The following ULK1 variants were observed in gnomAD, a reference collection of about 807,000 sequenced individuals.
ULK1 encodes serine/threonine-protein kinase ULK1.
ULK1 carries 48 observed loss-of-function variants against 117.5 expected under a neutral mutation model. That is an observed-to-expected ratio of 0.41 (90% CI 0.32 to 0.52). The LOEUF is 0.52. Among genes scored for constraint, ULK1 ranks in the 20% least tolerant of loss-of-function variants. The probability of loss-of-function intolerance (pLI) is 0.29; values close to 1 mark genes in which losing one functional copy is unlikely to be tolerated. For synonymous variants in ULK1, 790 were observed against 637.8 expected (o/e 1.24, Z -3.60); for missense variants, 1,387 against 1,473.4 (o/e 0.94, Z 0.96).
intron 3 of ULK1, among the ~76,000 whole-genome samples, chr12:131,899,913 A>G (rs1889018979): frequency 6.6e-6 from 1 of 152,084 alleles, no homozygotes; most frequent in South Asian, 2.1e-4. Context: ...AGGTCAGGAG[A>G]TCGAGACTAT....
intron 3 of ULK1, among the ~76,000 whole-genome samples, chr12:131,899,346 G>A (rs919850019): frequency 1.3e-5 from 2 of 151,730 alleles, no homozygotes; most frequent in East Asian, 1.9e-4. Flanking sequence ...GCGCCACCAC[G>A]CCTGGCTAAT....
intron 3 of ULK1, among the ~76,000 whole-genome samples, chr12:131,905,857 G>A (rs1367575961): frequency 1.3e-5 from 2 of 152,134 alleles, no homozygotes; most frequent in East Asian, 1.9e-4. Context: ...TGAGTTTCAT[G>A]GGGGCAGGAA....
At chr12:131,918,332 C>G in intron 22 of ULK1, 165 bp from the exon 23 acceptor site, 1 of 835,504 alleles carries the variant, frequency 1.2e-6, no homozygotes, top group Non-Finnish European at 1.8e-6. Flanking sequence ...TGAGGAGTGG[C>G]TCTAGGGGCC....
chr12:131,915,907 G>T lies in ULK1; in HGVS notation c.1626G>T (p.Glu542Asp). The change falls in exon 19 of 28, where the codon GAG (glutamate) becomes GAT (aspartate). Residue 542 changes from glutamate (E) to aspartate (D), a missense_variant. Around this residue, in one of 4 missense-constraint regions of ULK1, gnomAD observed 900 missense variants for 858.9 expected, o/e 1.05. Coordinates refer to ENST00000321867, the MANE Select transcript of ULK1 (RefSeq NM_003565.4). ...TCTCTCTAGGCTCCTCTGCACCCGA[G>T]CACTCTCCCCGCACTTCCGGGCTGG... Reference protein sequence around the residue: ...RSPRPGSSAPEHSPRTSGLGC... With the variant: ...RSPRPGSSAPDHSPRTSGLGC... The T allele has an allele frequency of 6.2e-7, 1 of 1,611,484 alleles. No homozygotes were observed. Among genetic ancestry groups the T allele is most frequent in the Non-Finnish European group, 8.5e-7 (1 of 1,179,818 alleles).
Position 131,919,374 on chromosome 12 carries a change from C to T in ULK1, c.2674C>T (p.Arg892Ter), listed in dbSNP as rs758449208. 4 of 1,402,248 alleles carry T rather than the reference C, an allele frequency of 2.9e-6. No homozygotes were observed. Among genetic ancestry groups the T allele is most frequent in the Non-Finnish European group, 3.8e-6 (4 of 1,051,510 alleles). 86.9% of individuals were successfully genotyped at this position (1,402,248 alleles called of 1,614,324 possible). ...VVADQISLLS[R>*]EWGFAEQLVL... ...GGCCGACCAGATCAGCCTGCTGAGC[C>T]GAGAATGGGGGTGGGTGCCGCCAGG... Residue 892 changes from arginine to a stop codon, truncating the protein, a stop_gained, in exon 24 of 28, where the codon CGA (arginine) becomes TGA (stop). Coordinates refer to ENST00000321867, the MANE Select transcript of ULK1 (RefSeq NM_003565.4). LOFTEE classifies it high-confidence loss of function.
intron 22 of ULK1, 165 bp from the exon 23 acceptor site, chr12:131,918,332 C>T: frequency 1.2e-5 from 10 of 835,504 alleles, no homozygotes; most frequent in Non-Finnish European, 1.8e-5. Flanking sequence ...TGAGGAGTGG[C>T]TCTAGGGGCC....
chr12:131,918,265 C>A, intron 22 of ULK1: 1 of 590,238 alleles, frequency 1.7e-6, no homozygotes, highest in Non-Finnish European at 3.0e-6. Flanking sequence ...GGCACCGCAG[C>A]CCTTGGCCTG....
rs758450657 is a variant in ULK1 at position 131,902,769 on chromosome 12, G to A, written c.247-4123G>A. On this transcript the variant is annotated intron_variant, in intron 3 of 27. Transcript: ENST00000321867. The surrounding 1 kb of genome is among the most constrained non-coding windows in gnomAD (Gnocchi z 6.3). Reference sequence around the variant, plus strand: ...TGGCCACAACTGTGTGTGTCACCACGGGACGGACCCCCGGACCCTGTCTTG... The same window carrying A: ...TGGCCACAACTGTGTGTGTCACCACAGGACGGACCCCCGGACCCTGTCTTG... 2.6e-5 allele frequency among the ~76,000 whole-genome samples: 4 copies of A among 152,102 alleles called. No individual in the cohort carries two copies. The highest frequency in any genetic ancestry group is 1.9e-4 in the East Asian group (1 of 5,174).
chr12:131,914,626 T>A, intron 16 of ULK1, 149 bp downstream of exon 16: 1 of 1,129,008 alleles, frequency 8.9e-7, no homozygotes, highest in Non-Finnish European at 1.2e-6. Flanking sequence ...ATTTACTTTG[T>A]TGATGTCTTG....
intron 21 of ULK1, 36 bp from the exon 22 acceptor site, chr12:131,917,375 G>A (rs1467908252): frequency 7.1e-7 from 1 of 1,416,274 alleles, no homozygotes; most frequent in South Asian, 1.5e-5. Flanking sequence ...GTCGGCGGGA[G>A]TCAGGATGCT....
chr12:131,913,278 C>T lies in ULK1; in HGVS notation c.1157+20C>T, dbSNP rs1199977459. On this transcript the variant is annotated intron_variant, in intron 14 of 27. Transcript: ENST00000321867. Reference sequence around the variant, plus strand: ...CAGTGGGTGAGCCCCCATCCCTTACCTCTGTATTTTAGGGGAGAGAAACTG... The same window carrying T: ...CAGTGGGTGAGCCCCCATCCCTTACTTCTGTATTTTAGGGGAGAGAAACTG... 4 of 1,537,658 alleles carry T rather than the reference C, an allele frequency of 2.6e-6. No homozygotes were observed. In the South Asian group the frequency reaches 3.7e-5, roughly 14 times the overall value.
intron 26 of ULK1, 79 bp downstream of exon 26, chr12:131,920,215 T>TGCCCA: frequency 1.3e-6 from 2 of 1,534,612 alleles, no homozygotes; most frequent in South Asian, 2.4e-5. Context: ...GGGACCTTGA[T>TGCCCA]GCCCACAGCG....
intron 13 of ULK1, among the ~76,000 whole-genome samples, chr12:131,912,310 G>A (rs1458217336): frequency 6.6e-6 from 1 of 152,182 alleles, no homozygotes; most frequent in African/African-American, 2.4e-5. Flanking sequence ...GTAGGAGGTC[G>A]GAGGCCATAG....
chr12:131,911,487 C>T (rs754593901), intron 12 of ULK1, among the ~76,000 whole-genome samples: 3 of 152,228 alleles, frequency 2.0e-5, no homozygotes, highest in South Asian at 2.1e-4. Context: ...TAGCCACCAC[C>T]GCACGGATGG....
chr12:131,901,661 G>A (rs950068516), intron 3 of ULK1, among the ~76,000 whole-genome samples: 5 of 152,300 alleles, frequency 3.3e-5, no homozygotes, highest in South Asian at 2.1e-4. Context: ...CTGTGTCTCC[G>A]TGGGTGACAG....
In ULK1 at chr12:131,922,317, T is replaced by A; in HGVS notation, c.*956T>A. ...CACACCTGTGTTGGTGGCTGTCCCC[T>A]GCCGCCCCTCCCTGTGGCAGCAGCA... On this transcript the variant is annotated 3_prime_UTR_variant, in exon 28 of 28. Coordinates refer to ENST00000321867, the MANE Select transcript of ULK1 (RefSeq NM_003565.4). The A allele has an allele frequency of 3.1e-6, 1 of 324,746 alleles. No homozygotes were observed. The highest frequency in any genetic ancestry group is 6.1e-6 in the Non-Finnish European group (1 of 163,792). 20.1% of individuals were successfully genotyped at this position (324,746 alleles called of 1,614,324 possible).
chr12:131,898,440 G>A (rs765847608), intron 3 of ULK1, among the ~76,000 whole-genome samples: 1 of 152,170 alleles, frequency 6.6e-6, no homozygotes, highest in Non-Finnish European at 1.5e-5. Context: ...CAGGAGGGTG[G>A]CTCTCAGAGG....
chr12:131,912,351 G>A (rs542962384), intron 13 of ULK1, among the ~76,000 whole-genome samples: 178 of 152,274 alleles, frequency 1.2e-3, no homozygotes, highest in African/African-American at 4.1e-3. Flanking sequence ...GCTGCTCTTC[G>A]GATGGGTGGG....
chr12:131,898,885 C>T (rs1888978776), intron 3 of ULK1, among the ~76,000 whole-genome samples: 1 of 145,580 alleles, frequency 6.9e-6, no homozygotes, highest in Non-Finnish European at 1.5e-5. Context: ...TAGTGTATTT[C>T]TTTTTTTTTT....
Sources: gnomAD v4.1 joint callset for allele counts (sites outside exome capture counted in the v4.1 genomes callset) on GRCh38, gnomAD v4.1.1 for gene constraint, gnomAD v4.1.1 regional missense constraint, Gnocchi (gnomAD v3.1) non-coding constraint, MANE v1.5 for transcripts, NCBI Gene and HGNC (gene_info 2026-07-23, HGNC 2026-07-21) for gene names.